Variants in TSPO2 observed in about 807,000 individuals in gnomAD.
TSPO2 encodes the protein benzodiazapine receptor (peripheral)-like 1.
A neutral mutation model predicts 13.3 loss-of-function variants in TSPO2; 15 were observed. That is an observed-to-expected ratio of 1.13 (90% confidence interval 0.75 to 1.73). The LOEUF is 1.73. TSPO2 is among the 40% of genes most tolerant of loss of function. The probability of loss-of-function intolerance (pLI) is 0.00; values close to 1 mark genes in which losing one functional copy is unlikely to be tolerated. For synonymous variants in TSPO2, 81 were observed against 91.6 expected (o/e 0.88, Z 0.66); for missense variants, 202 against 198.3 (o/e 1.02, Z -0.11).
rs547719751 is a variant in TSPO2 at position 41,043,278 on chromosome 6, C to A, written c.173+120C>A. On this transcript the variant is annotated intron_variant, in intron 2 of 3. Coordinates refer to ENST00000373161, the MANE Select transcript of TSPO2 (RefSeq NM_001010873.3). ...GTAGGCGCTTTGTCTTGCCTCTCAC[C>A]ACCATAGTGGGTCCTCCAGAAAGTA... 5.9e-5 allele frequency: 74 copies of A among 1,256,160 alleles called. 1 individual carries two copies. The highest frequency in any genetic ancestry group is 7.6e-5 in the Non-Finnish European group (69 of 906,824). The allele number at this position is 1,256,160 out of a possible 1,614,324, so 77.8% of individuals were successfully genotyped here.
chr6:41,042,989 C>G lies in TSPO2; in HGVS notation c.4C>G (p.Arg2Gly), dbSNP rs780504651. The G allele has an allele frequency of 5.0e-6, 8 of 1,613,372 alleles. No individual in the cohort carries two copies. The highest frequency in any genetic ancestry group is 2.2e-5 in the South Asian group (2 of 90,940). M[R>G]LQGAIFVLLP... ...AGATTTTGCCTCTTCAAGGTGAATG[C>G]GGCTTCAAGGGGCTATCTTTGTGCT... Residue 2 changes from arginine to glycine, a missense_variant, in exon 2 of 4, where the codon CGG becomes GGG. Transcript: ENST00000373161.
At position 41,043,040 on chromosome 6, in the gene TSPO2, G is replaced by A. The variant is rs1330551333; in HGVS notation, c.55G>A (p.Val19Ile). Reference sequence around the variant, plus strand: ...CCTGCCCCACCTGGGGCCCATCCTGGTCTGGCTGTTCACTCGTGATCACAT... The same window carrying A: ...CCTGCCCCACCTGGGGCCCATCCTGATCTGGCTGTTCACTCGTGATCACAT... The part of the protein sequence containing the change: ...VLLPHLGPIL[V>I]WLFTRDHMSG... The change falls in exon 2 of 4, where the codon GTC becomes ATC. Residue 19 changes from valine (V) to isoleucine (I), a missense_variant. Coordinates refer to ENST00000373161, the MANE Select transcript of TSPO2 (RefSeq NM_001010873.3). The A allele has an allele frequency of 1.9e-6, 3 of 1,614,060 alleles. No homozygotes were observed. The highest frequency in any genetic ancestry group is 2.5e-6 in the Non-Finnish European group (3 of 1,180,030).
upstream of TSPO2, among the ~76,000 whole-genome samples, chr6:41,042,166 T>G (rs1037855060): frequency 1.3e-5 from 2 of 152,196 alleles, no homozygotes; most frequent in African/African-American, 4.8e-5. Flanking sequence ...TTGTCCCACA[T>G]GCAAATGACA....
At position 41,044,315 on chromosome 6, in the gene TSPO2, A is replaced by C. The variant is rs1195882727; in HGVS notation, c.*178A>C. 8.1e-6 allele frequency: 5 copies of C among 620,210 alleles called. No homozygotes were observed. Among genetic ancestry groups the C allele is most frequent in the Non-Finnish European group, 1.1e-5 (4 of 353,030 alleles). 38.4% of individuals were successfully genotyped at this position (620,210 alleles called of 1,614,324 possible). A position where few individuals can be genotyped will look rare whatever the true frequency, so the allele number is the denominator to read the frequency against. The stretch of plus-strand genomic sequence containing the variant: ...GAAACTGATTTTACACTTAAATAAT[A>C]AAATCCTATTAGTAACTCTGAAGGT... On this transcript the variant is annotated 3_prime_UTR_variant, in exon 4 of 4. Coordinates refer to ENST00000373161, the MANE Select transcript of TSPO2 (RefSeq NM_001010873.3).
At chr6:41,041,584 G>C (rs774634447), upstream of TSPO2, among the ~76,000 whole-genome samples, 14 of 152,228 alleles carry the variant, frequency 9.2e-5, no homozygotes, top group Admixed American at 4.6e-4. Context: ...CGGACAGTCA[G>C]GAGCACAGAA....
At chr6:41,043,233 C>T in intron 2 of TSPO2, 75 bp downstream of exon 2, 2 of 1,505,630 alleles carry the variant, frequency 1.3e-6, no homozygotes, top group South Asian at 2.6e-5. Flanking sequence ...TGAATTACTC[C>T]CATATATTGG....
chr6:41,044,197 G>A lies in TSPO2; in HGVS notation c.*60G>A. 6.3e-7 allele frequency: 1 copy of A among 1,585,200 alleles called. No individual in the cohort carries two copies. The highest frequency in any genetic ancestry group is 8.6e-7 in the Non-Finnish European group (1 of 1,157,580). The stretch of plus-strand genomic sequence containing the variant: ...GTGGGGAGGAAGAGTCTGCAAGCAG[G>A]GCTGTGGAGTTAGGGTTCACCCCAA... On this transcript the variant is annotated 3_prime_UTR_variant, in exon 4 of 4. Coordinates refer to ENST00000373161, the MANE Select transcript of TSPO2 (RefSeq NM_001010873.3).
Position 41,044,295 on chromosome 6 carries a change from T to C in TSPO2, c.*158T>C, listed in dbSNP as rs1387257058. On this transcript the variant is annotated 3_prime_UTR_variant, in exon 4 of 4. Coordinates refer to ENST00000373161, the MANE Select transcript of TSPO2 (RefSeq NM_001010873.3). Reference sequence around the variant, plus strand: ...AGAGAAATGGGAAAGGGGGGGAAACTGATTTTACACTTAAATAATAAAATC... The same window carrying C: ...AGAGAAATGGGAAAGGGGGGGAAACCGATTTTACACTTAAATAATAAAATC... 3.1e-6 allele frequency: 2 copies of C among 655,698 alleles called. No individual in the cohort carries two copies. Among genetic ancestry groups the C allele is most frequent in the African/African-American group, 3.6e-5 (2 of 55,110 alleles). 40.6% of individuals were successfully genotyped at this position (655,698 alleles called of 1,614,324 possible).
Position 41,043,999 on chromosome 6 carries a change from TC to T in TSPO2, c.378del (p.Ile127SerfsTer13). The T allele has an allele frequency of 6.2e-7, 1 of 1,614,154 alleles. No individual in the cohort carries two copies. The highest frequency in any genetic ancestry group is 8.5e-7 in the Non-Finnish European group (1 of 1,180,006). ...LVVSTALIWH[P>X]INKLAALLLL... is the part of the protein sequence containing the mutation. ...TGGTGAGCACAGCACTGATCTGGCA[TC>T]CCATCAACAAACTGGCTGCCCTGTT... On this transcript the variant is annotated frameshift_variant, in exon 4 of 4. Coordinates refer to ENST00000373161, the MANE Select transcript of TSPO2 (RefSeq NM_001010873.3). LOFTEE classifies it high-confidence loss of function.
At chr6:41,041,500 C>T (rs1263545020), upstream of TSPO2, among the ~76,000 whole-genome samples, 2 of 152,124 alleles carry the variant, frequency 1.3e-5, no homozygotes, top group Non-Finnish European at 2.9e-5. Context: ...AGGATGGGGG[C>T]AGGGAGGGGC....
At chr6:41,043,760 A>G in intron 3 of TSPO2, 62 bp downstream of exon 3, 3 of 1,563,114 alleles carry the variant, frequency 1.9e-6, no homozygotes, top group Non-Finnish European at 2.6e-6. Context: ...ACCTGGCTCC[A>G]GAAGCACATA....
In TSPO2 at chr6:41,044,179, G is replaced by A. The variant is rs186545974; in HGVS notation, c.*42G>A. ...AGAGGAGGGACGCCCAGGGTGGGGA[G>A]GAAGAGTCTGCAAGCAGGGCTGTGG... On this transcript the variant is annotated 3_prime_UTR_variant, in exon 4 of 4. Transcript: ENST00000373161. 544 of 1,605,382 alleles carry A rather than the reference G, an allele frequency of 3.4e-4. 2 individuals are homozygous for A. In the East Asian group the frequency reaches 0.011, roughly 33 times the overall value.
rs1762614312 is a variant in TSPO2 at position 41,043,095 on chromosome 6, T to C, written c.110T>C (p.Leu37Pro). The C allele has an allele frequency of 6.2e-7, 1 of 1,614,178 alleles. No individual in the cohort carries two copies. The highest frequency in any genetic ancestry group is 1.1e-5 in the South Asian group (1 of 91,086). ...MSGWCEGPRMLSWCPFYKVLL... is the reference protein window; with the variant it reads ...MSGWCEGPRMPSWCPFYKVLL... ...GGTTGGTGTGAGGGCCCGAGGATGCTGTCCTGGTGCCCATTCTACAAAGTC... is the reference window on the plus strand; with the variant it reads ...GGTTGGTGTGAGGGCCCGAGGATGCCGTCCTGGTGCCCATTCTACAAAGTC... The change falls in exon 2 of 4, where the codon CTG (leucine) becomes CCG (proline). Residue 37 changes from leucine to proline, a missense_variant. Physicochemically the swap from Leu to Pro is moderately conservative, Grantham distance 98. Coordinates refer to ENST00000373161, the MANE Select transcript of TSPO2 (RefSeq NM_001010873.3).
At chr6:41,041,487 A>G (rs1762587837), upstream of TSPO2, among the ~76,000 whole-genome samples, 1 of 152,222 alleles carries the variant, frequency 6.6e-6, no homozygotes, top group African/African-American at 2.4e-5. Flanking sequence ...GTCAGGAGAA[A>G]AGAGGATGGG....
Position 41,043,906 on chromosome 6 carries a change from G to A in TSPO2, c.316-34G>A, listed in dbSNP as rs747549924. ...CAGAAAGGTGGAGGTGCTGGTTCTC[G>A]GGCAGCCAGCTGACCCCCGGCCTCT... On this transcript the variant is annotated intron_variant, in intron 3 of 3. Transcript: ENST00000373161. 8.0e-5 allele frequency: 128 copies of A among 1,599,080 alleles called. 1 individual carries two copies. Among genetic ancestry groups the A allele is most frequent in the East Asian group, 2.5e-4 (11 of 44,558 alleles).
chr6:41,044,217 C>A lies in TSPO2; in HGVS notation c.*80C>A. 1.3e-6 allele frequency: 2 copies of A among 1,483,304 alleles called. No homozygotes were observed. The highest frequency in any genetic ancestry group is 1.2e-5 in the South Asian group (1 of 85,636). 91.9% of individuals were successfully genotyped at this position (1,483,304 alleles called of 1,614,324 possible). ...AGCAGGGCTGTGGAGTTAGGGTTCA[C>A]CCCAATGGGACCACCCTCCTGGGTC... On this transcript the variant is annotated 3_prime_UTR_variant, in exon 4 of 4. Coordinates refer to ENST00000373161, the MANE Select transcript of TSPO2 (RefSeq NM_001010873.3).
In TSPO2 at chr6:41,044,213, T is replaced by A; in HGVS notation, c.*76T>A. On this transcript the variant is annotated 3_prime_UTR_variant, in exon 4 of 4. Coordinates refer to ENST00000373161, the MANE Select transcript of TSPO2 (RefSeq NM_001010873.3). ...TGCAAGCAGGGCTGTGGAGTTAGGG[T>A]TCACCCCAATGGGACCACCCTCCTG... 1.3e-6 allele frequency: 2 copies of A among 1,513,638 alleles called. No homozygotes were observed. Among genetic ancestry groups the A allele is most frequent in the South Asian group, 2.3e-5 (2 of 86,654 alleles). The allele number at this position is 1,513,638 out of a possible 1,614,324, so 93.8% of individuals were successfully genotyped here.
chr6:41,041,582 C>CA (rs1762589152), upstream of TSPO2, among the ~76,000 whole-genome samples: 1 of 152,208 alleles, frequency 6.6e-6, no homozygotes, highest in South Asian at 2.1e-4. Context: ...AACGGACAGT[C>CA]AGGAGCACAG....
upstream of TSPO2, among the ~76,000 whole-genome samples, chr6:41,041,946 G>T (rs1581981652): frequency 6.6e-6 from 1 of 151,380 alleles, no homozygotes; most frequent in South Asian, 2.1e-4. Flanking sequence ...CTGCACTCCA[G>T]CCTGGACAAC....
Sources: gnomAD v4.1 joint callset for allele counts (sites outside exome capture counted in the v4.1 genomes callset) on GRCh38, gnomAD v4.1.1 for gene constraint, MANE v1.5 for transcripts, NCBI Gene and HGNC (gene_info 2026-07-23, HGNC 2026-07-21) for gene names.